STK4: variants seen among roughly 807,000 people sequenced by gnomAD.
STK4 encodes serine/threonine kinase 4, also known as serine/threonine-protein kinase 4.
In STK4, 30 loss-of-function variants were observed where a neutral mutation model predicts 64.9. That is an observed-to-expected ratio of 0.46 (90% confidence interval 0.35 to 0.63). The LOEUF is 0.63. Among genes scored for constraint, STK4 ranks in the 20% least tolerant of loss-of-function variants. The probability of loss-of-function intolerance (pLI) is 0.01; values close to 1 mark genes in which losing one functional copy is unlikely to be tolerated. For missense variants in STK4, 466 were observed against 598.5 expected (o/e 0.78, Z 2.31); for synonymous variants, 177 against 199.0 (o/e 0.89, Z 0.93).
intron 9 of STK4, among the ~76,000 whole-genome samples, chr20:45,022,264 T>A (rs143597360): frequency 1.3e-5 from 2 of 152,334 alleles, no homozygotes; most frequent in African/African-American, 4.8e-5. Context: ...ATAAAAAAAA[T>A]TCTCTTTTTA....
intron 10 of STK4, among the ~76,000 whole-genome samples, chr20:45,026,128 G>GTTTTTTTTTTT (rs33913833): frequency 3.1e-5 from 4 of 128,982 alleles, no homozygotes; most frequent in African/African-American, 1.2e-4. Flanking sequence ...TTATCCAGTG[G>GTTTTTTTTTTT]TTTTTTTTTT....
At chr20:45,070,175 A>G (rs1429681308) in intron 10 of STK4, among the ~76,000 whole-genome samples, 1 of 152,172 alleles carries the variant, frequency 6.6e-6, no homozygotes, top group Non-Finnish European at 1.5e-5. Context: ...TAGATTATGA[A>G]GTTGGAGGGG....
intron 10 of STK4, among the ~76,000 whole-genome samples, chr20:45,048,197 A>G (rs1465246826): frequency 6.6e-6 from 1 of 152,208 alleles, no homozygotes; most frequent in African/African-American, 2.4e-5. Context: ...TGGTTTCATT[A>G]TTTATGGGAC....
At position 45,076,368 on chromosome 20, in the gene STK4, T is replaced by G. The variant is rs1980515153; in HGVS notation, c.*1192T>G. 6.6e-6 allele frequency: 1 copy of G among 152,332 alleles called. No homozygotes were observed. Among genetic ancestry groups the G allele is most frequent in the Non-Finnish European group, 1.5e-5 (1 of 68,164 alleles). 9.4% of individuals were successfully genotyped at this position (152,332 alleles called of 1,614,324 possible). ...GGAATGGCCAAAATCACAAAGCAAGTTAGCGTTAAGAGCTGAGACTAGAAT... is the reference window on the plus strand; with the variant it reads ...GGAATGGCCAAAATCACAAAGCAAGGTAGCGTTAAGAGCTGAGACTAGAAT... On this transcript the variant is annotated 3_prime_UTR_variant, in exon 11 of 11. Transcript: ENST00000372806. The surrounding 1 kb of genome is among the most constrained non-coding windows in gnomAD (Gnocchi z 4.0).
chr20:44,980,738 G>A (rs1012457575), intron 3 of STK4, among the ~76,000 whole-genome samples: 10 of 151,950 alleles, frequency 6.6e-5, no homozygotes, highest in African/African-American at 2.2e-4. Context: ...GCGCGATCTC[G>A]ACTCACTGCA....
intron 1 of STK4, among the ~76,000 whole-genome samples, chr20:44,968,477 C>A (rs1331265391): frequency 2.0e-5 from 3 of 152,328 alleles, no homozygotes; most frequent in Admixed American, 6.5e-5. Context: ...TCTAAAAGTA[C>A]CCCTGTTTCA....
At chr20:45,064,088 G>A (rs1299763114) in intron 10 of STK4, among the ~76,000 whole-genome samples, 6 of 150,258 alleles carry the variant, frequency 4.0e-5, no homozygotes, top group Admixed American at 3.3e-4. Flanking sequence ...GATTACAGGC[G>A]TGAGCCACTG....
Position 45,071,793 on chromosome 20 carries a change from A to G in STK4, c.1306-3225A>G, listed in dbSNP as rs1980091646. 2.0e-5 allele frequency among the ~76,000 whole-genome samples: 3 copies of G among 152,068 alleles called. No individual in the cohort carries two copies. In the South Asian group the frequency reaches 6.2e-4, roughly 32 times the overall value. ...TTATTATTTATTTATTTTTGAGACA[A>G]GGTCTTGCTCTGTTGCCCAGGCTGG... On this transcript the variant is annotated intron_variant, in intron 10 of 10. Transcript: ENST00000372806.
At position 45,066,181 on chromosome 20, in the gene STK4, T is replaced by TACACACACACACACAC. The variant is rs11472596; in HGVS notation, c.1306-8819_1306-8804dup. Among the ~76,000 whole-genome samples, 8 of 147,622 alleles carry TACACACACACACACAC rather than the reference T, an allele frequency of 5.4e-5. No individual in the cohort carries two copies. In the South Asian group the frequency reaches 1.5e-3, roughly 28 times the overall value. ...CATATGTATATACACATTATATATC[T>TACACACACACACACAC]ACACACACACACACACACACACACA... On this transcript the variant is annotated intron_variant, in intron 10 of 10. Transcript: ENST00000372806.
At position 45,074,948 on chromosome 20, in the gene STK4, G is replaced by C. The variant is rs1980393974; in HGVS notation, c.1306-70G>C. The C allele has an allele frequency of 3.8e-6, 6 of 1,579,728 alleles. No individual in the cohort carries two copies. In the Admixed American group the frequency reaches 5.1e-5, roughly 13 times the overall value. On this transcript the variant is annotated intron_variant, in intron 10 of 10. Transcript: ENST00000372806. ...CCCTTCCCTCTGGGTGCCTGGGAAG[G>C]CTGGGCTTCTGCACTGTTCTGCCAC...
At chr20:45,063,061 T>C (rs1187269919) in intron 10 of STK4, among the ~76,000 whole-genome samples, 4 of 121,494 alleles carry the variant, frequency 3.3e-5, no homozygotes, top group African/African-American at 1.3e-4. Context: ...TGGAGTGCGG[T>C]GGTGTGATCA....
chr20:45,012,451 T>A (rs937262145), intron 9 of STK4, among the ~76,000 whole-genome samples: 2 of 152,254 alleles, frequency 1.3e-5, no homozygotes, highest in African/African-American at 4.8e-5. Flanking sequence ...CTGTGTTAAT[T>A]CTTTCTATGC....
intron 10 of STK4, among the ~76,000 whole-genome samples, chr20:45,064,447 G>GT (rs1255292167): frequency 5.9e-5 from 9 of 151,596 alleles, no homozygotes; most frequent in Non-Finnish European, 1.2e-4. Flanking sequence ...TTTTTAAACT[G>GT]TTTTTTTCTA....
At chr20:45,041,349 G>C (rs2068610532) in intron 10 of STK4, among the ~76,000 whole-genome samples, 1 of 151,892 alleles carries the variant, frequency 6.6e-6, no homozygotes, top group Non-Finnish European at 1.5e-5. Flanking sequence ...ATGTATGTTT[G>C]TACTACCATT....
At chr20:44,972,927 C>G (rs922235951) in intron 2 of STK4, 14 of 151,024 alleles carry the variant, frequency 9.3e-5, no homozygotes, top group Admixed American at 7.9e-4. Context: ...AAAACTGCCT[C>G]CTACCTCTCT....
chr20:44,984,204 T>G (rs2145658490), intron 4 of STK4, among the ~76,000 whole-genome samples: 1 of 140,814 alleles, frequency 7.1e-6, no homozygotes, highest in Admixed American at 7.1e-5. Context: ...TTTTTTTTTT[T>G]TTTTTGAGAC....
intron 10 of STK4, among the ~76,000 whole-genome samples, chr20:45,070,594 G>C (rs577297614): frequency 7.9e-5 from 12 of 152,234 alleles, no homozygotes; most frequent in African/African-American, 2.9e-4. Flanking sequence ...GATGTGTTAA[G>C]CTGCAGATTC....
chr20:44,984,621 A>ACT (rs1412957610), intron 4 of STK4, among the ~76,000 whole-genome samples: 2 of 152,184 alleles, frequency 1.3e-5, no homozygotes, highest in Non-Finnish European at 2.9e-5. Context: ...GCTAGTCTGA[A>ACT]CTGAGATATG....
At chr20:45,074,075 G>C (rs775933290) in intron 10 of STK4, among the ~76,000 whole-genome samples, 1 of 152,140 alleles carries the variant, frequency 6.6e-6, no homozygotes, top group Non-Finnish European at 1.5e-5. Context: ...TGCAACACTG[G>C]TTAAGAGCAT....
Sources: gnomAD v4.1 joint callset for allele counts (sites outside exome capture counted in the v4.1 genomes callset) on GRCh38, gnomAD v4.1.1 for gene constraint, Gnocchi (gnomAD v3.1) non-coding constraint, MANE v1.5 for transcripts, NCBI Gene and HGNC (gene_info 2026-07-23, HGNC 2026-07-21) for gene names.